The following EPS15 variants were observed in gnomAD, a reference collection of about 807,000 sequenced individuals.
The protein encoded by EPS15 is epidermal growth factor receptor pathway substrate 15, also known as epidermal growth factor receptor substrate 15.
Under a neutral mutation model 113.8 loss-of-function variants are expected in EPS15, and 72 were observed. The observed-to-expected ratio is 0.63, with a 90% CI of 0.52 to 0.77. The LOEUF is 0.77. Ranked by LOEUF, EPS15 falls within the 30% of genes least tolerant of loss-of-function variation. EPS15 has a pLI of 0.00. For synonymous variants in EPS15, 344 were observed against 363.4 expected, an observed-to-expected ratio of 0.95 and a Z score of 0.61; for missense variants, 1,048 against 1,045.8, an observed-to-expected ratio of 1.00 and a Z score of -0.03.
intron 21 of EPS15, among the ~76,000 whole-genome samples, chr1:51,369,480 G>A (rs934436635): frequency 6.6e-6 from 1 of 152,124 alleles, no homozygotes; most frequent in African/African-American, 2.4e-5. Flanking sequence ...CTGCACTTAT[G>A]ACCTCATTAG....
chr1:51,472,591 C>T (rs1655320655), intron 3 of EPS15, among the ~76,000 whole-genome samples: 1 of 152,162 alleles, frequency 6.6e-6, no homozygotes, highest in Non-Finnish European at 1.5e-5. Flanking sequence ...CCAGTCTTCA[C>T]TGTTTCTCCC....
At chr1:51,365,367 A>AACC (rs1428115609) in intron 22 of EPS15, among the ~76,000 whole-genome samples, 1 of 152,208 alleles carries the variant, frequency 6.6e-6, no homozygotes, top group Admixed American at 6.5e-5. Flanking sequence ...CAATTGTGAA[A>AACC]ACCAAAAAGG....
chr1:51,510,734 T>A (rs1158361030), intron 1 of EPS15, among the ~76,000 whole-genome samples: 3 of 152,244 alleles, frequency 2.0e-5, no homozygotes, highest in African/African-American at 7.2e-5. Context: ...TCATTTAAGT[T>A]TTTTAAGCTC....
chr1:51,453,275 C>T (rs891287176), intron 8 of EPS15, among the ~76,000 whole-genome samples: 2 of 152,124 alleles, frequency 1.3e-5, no homozygotes, highest in African/African-American at 4.8e-5. Context: ...CAACGTTAGC[C>T]ATCTGCTGCC....
At chr1:51,507,705 T>A (rs1004207316) in intron 1 of EPS15, among the ~76,000 whole-genome samples, 10 of 151,724 alleles carry the variant, frequency 6.6e-5, no homozygotes, top group African/African-American at 2.4e-4. Context: ...TACATACATA[T>A]ATATACACAC....
intron 1 of EPS15, among the ~76,000 whole-genome samples, chr1:51,514,442 G>A (rs1243668952): frequency 1.3e-5 from 2 of 152,006 alleles, no homozygotes; most frequent in Non-Finnish European, 2.9e-5. Context: ...TTGTGTCATA[G>A]GTATTAAGCC....
intron 1 of EPS15, among the ~76,000 whole-genome samples, chr1:51,513,934 A>G (rs562234067): frequency 6.6e-6 from 1 of 152,284 alleles, no homozygotes; most frequent in African/African-American, 2.4e-5. Context: ...ATTTAAATGA[A>G]TAAATTCTCA....
intron 8 of EPS15, among the ~76,000 whole-genome samples, chr1:51,454,976 G>A (rs1653869290): frequency 6.6e-6 from 1 of 151,586 alleles, no homozygotes; most frequent in African/African-American, 2.4e-5. Flanking sequence ...GCTCAGGTTA[G>A]CCTGGGTTGT....
At chr1:51,474,675 CTTTTTT>C (rs1010674732) in intron 2 of EPS15, among the ~76,000 whole-genome samples, 1 of 151,618 alleles carries the variant, frequency 6.6e-6, no homozygotes, top group Non-Finnish European at 1.5e-5. Context: ...AAATAGTTTT[CTTTTTT>C]TATTATTATT....
intron 21 of EPS15, among the ~76,000 whole-genome samples, chr1:51,381,445 G>T (rs987300977): frequency 6.6e-6 from 1 of 151,846 alleles, no homozygotes; most frequent in Non-Finnish European, 1.5e-5. Context: ...ATACAAAAAT[G>T]ACACGGGCGT....
intron 21 of EPS15, 140 bp downstream of exon 21, chr1:51,394,241 A>T (rs539216113): frequency 1.9e-6 from 1 of 522,420 alleles, no homozygotes; most frequent in South Asian, 3.2e-5. Context: ...AATGCTTATT[A>T]TTGGTAAATT....
chr1:51,375,458 G>A (rs1330609536), intron 21 of EPS15, among the ~76,000 whole-genome samples: 3 of 152,092 alleles, frequency 2.0e-5, no homozygotes, highest in Non-Finnish European at 4.4e-5. Context: ...TTTTTGCCTG[G>A]TGGAATTCTA....
intron 12 of EPS15, chr1:51,423,467 A>G (rs939557981): frequency 3.0e-6 from 3 of 985,276 alleles, no homozygotes; most frequent in African/African-American, 1.7e-5. Flanking sequence ...GAGCAGATGA[A>G]TGTTTTCAGT....
At chr1:51,391,213 G>T (rs1475175176) in intron 21 of EPS15, among the ~76,000 whole-genome samples, 1 of 151,840 alleles carries the variant, frequency 6.6e-6, no homozygotes, top group Non-Finnish European at 1.5e-5. Context: ...CTATCACAAG[G>T]ACAAAAAACC....
intron 1 of EPS15, among the ~76,000 whole-genome samples, chr1:51,495,175 A>T (rs1452560869): frequency 6.6e-6 from 1 of 152,192 alleles, no homozygotes; most frequent in African/African-American, 2.4e-5. Flanking sequence ...AAGTAGTGAC[A>T]TCACTGTGAC....
intron 10 of EPS15, among the ~76,000 whole-genome samples, chr1:51,446,598 C>A (rs527535241): frequency 1.8e-3 from 278 of 152,090 alleles, no homozygotes; most frequent in African/African-American, 6.6e-3. Flanking sequence ...GAACTACAGG[C>A]GCACACCACC....
At chr1:51,422,680 T>C (rs1650868206) in intron 12 of EPS15, among the ~76,000 whole-genome samples, 1 of 152,256 alleles carries the variant, frequency 6.6e-6, no homozygotes, top group African/African-American at 2.4e-5. Flanking sequence ...ATGTAACAAT[T>C]TAACTGCCCA....
rs115633337 is a variant in EPS15, at chr1:51,383,605, C to T, written c.2119+10776G>A. 5.4e-3 allele frequency among the ~76,000 whole-genome samples: 824 copies of T among 152,278 alleles called. 4 individuals carry two copies. The highest frequency in any genetic ancestry group is 0.018 in the African/African-American group (751 of 41,548). On this transcript the variant is annotated intron_variant, in intron 21 of 24. Transcript: ENST00000371733. ...GCTGCTGATCTGACAGGAAGCGGAG[C>T]TCAGGCATTAGGTACTGCTCACTTG...
At chr1:51,412,456 A>T (rs924097186) in intron 13 of EPS15, among the ~76,000 whole-genome samples, 2 of 152,230 alleles carry the variant, frequency 1.3e-5, no homozygotes, top group African/African-American at 4.8e-5. Context: ...AATTTATTTT[A>T]AAAATTCCTT....
Sources: gnomAD v4.1 joint callset for allele counts (sites outside exome capture counted in the v4.1 genomes callset) on GRCh38, gnomAD v4.1.1 for gene constraint, MANE v1.5 for transcripts, NCBI Gene and HGNC (gene_info 2026-07-23, HGNC 2026-07-21) for gene names.